TRAP1: variants seen among roughly 807,000 people sequenced by gnomAD.
TRAP1 encodes the protein TNF receptor associated protein 1, also known as heat shock protein 75 kDa, mitochondrial.
TRAP1 carries 102 observed loss-of-function variants against 89.1 expected under a neutral mutation model. That is an observed-to-expected ratio of 1.15 (90% CI 0.98 to 1.35). The LOEUF (loss-of-function observed/expected upper bound fraction) is 1.35, where lower values mean the gene tolerates loss of function less well. Among genes scored for constraint, TRAP1 ranks in the 40% most tolerant of loss-of-function variants. TRAP1 has a pLI of 0.00. For synonymous variants in TRAP1, 508 were observed against 388.0 expected, an observed-to-expected ratio of 1.31 and a Z score of -3.64; for missense variants, 1,256 against 945.3, an observed-to-expected ratio of 1.33 and a Z score of -4.31.
chr16:3,675,671 C>G (rs373878441), intron 7 of TRAP1, among the ~76,000 whole-genome samples: 8 of 152,326 alleles, frequency 5.3e-5, no homozygotes, highest in African/African-American at 1.9e-4. Flanking sequence ...GCTTTCTGGG[C>G]TGACTCCTGG....
chr16:3,683,471 C>T (rs769484847), intron 4 of TRAP1, among the ~76,000 whole-genome samples: 8 of 151,412 alleles, frequency 5.3e-5, no homozygotes, highest in Non-Finnish European at 8.8e-5. Flanking sequence ...CCACAACCTC[C>T]GCCTCCCGGG....
chr16:3,682,299 C>G (rs1034671089), intron 4 of TRAP1, among the ~76,000 whole-genome samples: 1 of 151,648 alleles, frequency 6.6e-6, no homozygotes, highest in African/African-American at 2.4e-5. Context: ...ATCTGTAATC[C>G]CAGCACTTTG....
intron 7 of TRAP1, 39 bp downstream of exon 7, chr16:3,675,997 T>G (rs1029297462): frequency 6.4e-7 from 1 of 1,569,048 alleles, no homozygotes; most frequent in African/African-American, 1.4e-5. Flanking sequence ...AGGCCACACA[T>G]GGATCCCAGA....
intron 15 of TRAP1, 109 bp downstream of exon 15, chr16:3,662,773 T>C (rs777633687): frequency 9.8e-7 from 1 of 1,025,442 alleles, no homozygotes; most frequent in Non-Finnish European, 1.5e-6. Flanking sequence ...CAAGGGCTTC[T>C]GCTGCTGCTG....
chr16:3,689,246 T>C, intron 2 of TRAP1, 109 bp from the exon 3 acceptor site: 5 of 766,040 alleles, frequency 6.5e-6, no homozygotes, highest in Non-Finnish European at 9.4e-6. Context: ...TTTAAACTTT[T>C]TTTTTTTTTT....
intron 1 of TRAP1, among the ~76,000 whole-genome samples, chr16:3,697,332 ATCT>A (rs1016662880): frequency 2.0e-4 from 30 of 152,166 alleles, no homozygotes; most frequent in Middle Eastern, 3.4e-3. Flanking sequence ...TACATTTTAA[ATCT>A]TCTTCTTATT....
intron 1 of TRAP1, among the ~76,000 whole-genome samples, chr16:3,696,611 A>C (rs540048134): frequency 6.6e-6 from 1 of 152,272 alleles, no homozygotes; most frequent in Admixed American, 6.5e-5. Context: ...GCTGGATCAC[A>C]ATGGCACAAT....
intron 11 of TRAP1, among the ~76,000 whole-genome samples, chr16:3,670,796 A>G (rs564515969): frequency 2.0e-5 from 3 of 152,282 alleles, no homozygotes; most frequent in South Asian, 4.1e-4. Flanking sequence ...GGAGGATATC[A>G]CCGGCAGGCC....
chr16:3,698,867 T>C (rs2151275947), intron 1 of TRAP1, among the ~76,000 whole-genome samples: 1 of 151,168 alleles, frequency 6.6e-6, no homozygotes, highest in East Asian at 2.0e-4. Context: ...GGGTGGGAGA[T>C]GCAGCCAGGC....
At position 3,672,699 on chromosome 16, in the gene TRAP1, C is replaced by T. The variant is rs1311501962; in HGVS notation, c.1165+1G>A. 2 of 1,607,002 alleles carry T rather than the reference C, an allele frequency of 1.2e-6. No individual in the cohort carries two copies. The highest frequency in any genetic ancestry group is 1.1e-5 in the South Asian group (1 of 89,556). On this transcript the variant is annotated splice_donor_variant, in intron 10 of 17. Transcript: ENST00000246957. LOFTEE classifies it high-confidence loss of function. ...CTGCTCACGGACTCTGAGCAGCGTA[C>T]CTCGGATGAAGCGCAGCCACTTGGG...
intron 4 of TRAP1, among the ~76,000 whole-genome samples, chr16:3,682,850 T>C (rs945599535): frequency 1.3e-5 from 2 of 151,724 alleles, no homozygotes; most frequent in Non-Finnish European, 2.9e-5. Flanking sequence ...CGGAAGAAGA[T>C]CCTGACTCTA....
chr16:3,687,718 T>C (rs1002097201), intron 3 of TRAP1, among the ~76,000 whole-genome samples: 3 of 151,520 alleles, frequency 2.0e-5, no homozygotes, highest in Admixed American at 2.0e-4. Context: ...ACTCCGTCTC[T>C]ACAAAAAAAT....
At chr16:3,696,897 TTG>T (rs1201283407) in intron 1 of TRAP1, among the ~76,000 whole-genome samples, 1 of 151,904 alleles carries the variant, frequency 6.6e-6, no homozygotes, top group African/African-American at 2.4e-5. Flanking sequence ...CGGCTAATTT[TTG>T]TGTTTTCTGT....
intron 9 of TRAP1, among the ~76,000 whole-genome samples, chr16:3,673,283 C>T (rs2050940476): frequency 2.0e-5 from 3 of 152,240 alleles, no homozygotes; most frequent in Admixed American, 2.0e-4. Flanking sequence ...GTCTACGCAG[C>T]TCATGGGACC....
chr16:3,707,145 G>A (rs2051458212), intron 1 of TRAP1, among the ~76,000 whole-genome samples: 1 of 151,196 alleles, frequency 6.6e-6, no homozygotes, highest in Non-Finnish European at 1.5e-5. Context: ...AAACTGCCAG[G>A]CATCTTGAGT....
At chr16:3,675,168 C>T (rs886934527) in intron 8 of TRAP1, among the ~76,000 whole-genome samples, 156 bp downstream of exon 8, 2 of 152,100 alleles carry the variant, frequency 1.3e-5, no homozygotes, top group Non-Finnish European at 2.9e-5. Flanking sequence ...TAGAGCTGGG[C>T]CCCTGTCTCA....
At chr16:3,661,830 T>TGGGTGCAGCCTAAACTG (rs1430286364) in intron 16 of TRAP1, 157 bp downstream of exon 16, 1 of 947,002 alleles carries the variant, frequency 1.1e-6, no homozygotes, top group African/African-American at 1.7e-5. Context: ...CCATTTCACA[T>TGGGTGCAGCCTAAACTG]GGGTGCAGCC....
intron 2 of TRAP1, 111 bp from the exon 3 acceptor site, chr16:3,689,248 T>TG: frequency 1.1e-5 from 10 of 903,676 alleles, no homozygotes; most frequent in East Asian, 3.0e-5. Context: ...TAAACTTTTT[T>TG]TTTTTTTTTT....
At chr16:3,708,066 TGGGA>T (rs1270487152) in intron 1 of TRAP1, among the ~76,000 whole-genome samples, 3 of 151,640 alleles carry the variant, frequency 2.0e-5, no homozygotes, top group African/African-American at 7.3e-5. Context: ...ACATGCTCCT[TGGGA>T]GGAAGAGGTC....
Sources: allele counts gnomAD v4.1 joint callset (sites outside exome capture counted in the v4.1 genomes callset), GRCh38; gene constraint gnomAD v4.1.1; transcripts MANE v1.5; gene names NCBI Gene and HGNC (gene_info 2026-07-23, HGNC 2026-07-21).